The following CACNA2D1 variants were observed in gnomAD, a reference collection of about 807,000 sequenced individuals.
CACNA2D1 encodes calcium voltage-gated channel auxiliary subunit alpha2delta 1.
In CACNA2D1, 53 loss-of-function variants were observed where a neutral mutation model predicts 171.5. The observed-to-expected ratio is 0.31, with a 90% CI of 0.25 to 0.39. The LOEUF is 0.39. CACNA2D1 is among the 10% of genes least tolerant of loss of function. The pLI, the probability that CACNA2D1 is intolerant of heterozygous loss-of-function variation, is 1.00. For missense variants in CACNA2D1, 903 were observed against 1,299.8 expected (o/e 0.69, Z 4.69); for synonymous variants, 442 against 443.1 (o/e 1.00, Z 0.03).
At chr7:82,098,907 T>C (rs1812271510) in intron 6 of CACNA2D1, among the ~76,000 whole-genome samples, 1 of 152,160 alleles carries the variant, frequency 6.6e-6, no homozygotes, top group Admixed American at 6.5e-5. Flanking sequence ...TATAAATGAC[T>C]TTTCAGTAAG....
At chr7:82,017,438 G>A (rs1303939716) in intron 12 of CACNA2D1, among the ~76,000 whole-genome samples, 1 of 152,022 alleles carries the variant, frequency 6.6e-6, no homozygotes, top group Non-Finnish European at 1.5e-5. Context: ...TATAAATAAT[G>A]TATTGGTTAA....
At position 82,443,402 on chromosome 7, in the gene CACNA2D1, C is replaced by A. The variant is rs201211703; in HGVS notation, c.58G>T (p.Gly20Cys). The part of the protein sequence containing the change: ...TLTLFQSLLI[G>C]PSSEEPFPSA... ...GGGAACGGCTCCTCCGACGAGGGGC[C>A]GATGAGCAAAGATTGGAAAAGTGTC... The change falls in exon 1 of 39, where the codon GGC becomes TGC. Residue 20 changes from glycine to cysteine, a missense_variant. By Grantham distance (159) the Gly-to-Cys change is radical. Coordinates refer to ENST00000356860, the MANE Select transcript of CACNA2D1 (RefSeq NM_000722.4). 3.1e-6 allele frequency: 5 copies of A among 1,606,002 alleles called. No homozygotes were observed. The highest frequency in any genetic ancestry group is 1.3e-5 in the African/African-American group (1 of 74,262).
In CACNA2D1 at chr7:82,056,763, T is replaced by C. The variant is rs74974876; in HGVS notation, c.879+3665A>G. 3.3e-5 allele frequency among the ~76,000 whole-genome samples: 5 copies of C among 152,300 alleles called. No individual in the cohort carries two copies. The East Asian group carries it at 9.7e-4, about 29-fold the overall frequency. ...TCAAATTTGTTTTTCCTATTATGGA[T>C]ACAAATTCCAGTTATGGGTTCCCCT... is the stretch of plus-strand genomic sequence containing the variant. On this transcript the variant is annotated intron_variant, in intron 10 of 38. Transcript: ENST00000356860.
At chr7:82,202,079 C>T (rs1428024426) in intron 3 of CACNA2D1, among the ~76,000 whole-genome samples, 1 of 152,156 alleles carries the variant, frequency 6.6e-6, no homozygotes, top group Non-Finnish European at 1.5e-5. Flanking sequence ...GCACACAATT[C>T]CACTCATTAT....
chr7:82,229,909 G>C (rs536318586), intron 3 of CACNA2D1, among the ~76,000 whole-genome samples: 5 of 152,162 alleles, frequency 3.3e-5, no homozygotes, highest in African/African-American at 1.2e-4. Context: ...GCTCTAATTT[G>C]TATGGTTTTA....
intron 12 of CACNA2D1, among the ~76,000 whole-genome samples, chr7:82,031,255 C>T (rs527283124): frequency 1.5e-4 from 23 of 151,814 alleles, no homozygotes; most frequent in Non-Finnish European, 3.4e-4. Context: ...CCTACAGTGG[C>T]AAGGAGGTTC....
Position 82,050,601 on chromosome 7 carries a change from C to T in CACNA2D1, c.879+9827G>A, listed in dbSNP as rs201186220. ...AATTACTCTGCATTGAAAATCTCTTCGGGAGAAGGAGAAATCTCTTTACTA... is the reference window on the plus strand; with the variant it reads ...AATTACTCTGCATTGAAAATCTCTTTGGGAGAAGGAGAAATCTCTTTACTA... On this transcript the variant is annotated intron_variant, in intron 10 of 38. Transcript: ENST00000356860. 89 of 702,614 alleles carry T rather than the reference C, an allele frequency of 1.3e-4. No individual in the cohort carries two copies. The highest frequency in any genetic ancestry group is 1.1e-3 in the Middle Eastern group (5 of 4,390). 43.5% of individuals were successfully genotyped at this position (702,614 alleles called of 1,614,324 possible). A position where few individuals can be genotyped will look rare whatever the true frequency, so the allele number is the denominator to read the frequency against.
At position 82,213,476 on chromosome 7, in the gene CACNA2D1, A is replaced by G. The variant is rs550867743; in HGVS notation, c.295-42867T>C. Among the ~76,000 whole-genome samples the G allele has an allele frequency of 1.5e-3, 227 of 152,230 alleles. 3 individuals are homozygous for G. The highest frequency in any genetic ancestry group is 5.2e-3 in the African/African-American group (217 of 41,538). Reference sequence around the variant, plus strand: ...TCCTTCCTCACCTGTTTGTACTTCTATAAGGCTGTACTTTTTCTTGCTACA... The same window carrying G: ...TCCTTCCTCACCTGTTTGTACTTCTGTAAGGCTGTACTTTTTCTTGCTACA... On this transcript the variant is annotated intron_variant, in intron 3 of 38. Coordinates refer to ENST00000356860, the MANE Select transcript of CACNA2D1 (RefSeq NM_000722.4).
chr7:82,136,253 C>G (rs1399258885), intron 5 of CACNA2D1, among the ~76,000 whole-genome samples: 1 of 152,080 alleles, frequency 6.6e-6, no homozygotes, highest in Non-Finnish European at 1.5e-5. Flanking sequence ...CCCTGGTGTG[C>G]AAAGTTTAAG....
chr7:81,959,380 T>A (rs776871447), intron 37 of CACNA2D1, 23 bp from the exon 38 acceptor site: 1 of 1,518,480 alleles, frequency 6.6e-7, no homozygotes, highest in South Asian at 1.1e-5. Context: ...TGTTAAGGAA[T>A]CTCATGTTAG....
At chr7:82,067,190 TAATTA>T (rs1392198607) in intron 7 of CACNA2D1, among the ~76,000 whole-genome samples, 2 of 152,212 alleles carry the variant, frequency 1.3e-5, no homozygotes, top group Admixed American at 6.5e-5. Context: ...AAATCTATTC[TAATTA>T]AATTGATACT....
chr7:82,412,750 C>A (rs898702837), intron 1 of CACNA2D1, among the ~76,000 whole-genome samples: 3 of 151,588 alleles, frequency 2.0e-5, no homozygotes, highest in Non-Finnish European at 4.4e-5. Flanking sequence ...ATCATCAATT[C>A]TTGGTCTAAG....
Position 82,400,552 on chromosome 7 carries a change from A to G in CACNA2D1, c.95+42813T>C, listed in dbSNP as rs1295028848. ...TTCCTTACACCTTATACAAAAATCAATTCAAGATGGATTAAAGACTTAAAC... is the reference window on the plus strand; with the variant it reads ...TTCCTTACACCTTATACAAAAATCAGTTCAAGATGGATTAAAGACTTAAAC... On this transcript the variant is annotated intron_variant, in intron 1 of 38. Transcript: ENST00000356860. Among the ~76,000 whole-genome samples the G allele has an allele frequency of 4.6e-5, 7 of 151,808 alleles. No homozygotes were observed. In the South Asian group the frequency reaches 1.0e-3, roughly 23 times the overall value.
intron 3 of CACNA2D1, among the ~76,000 whole-genome samples, chr7:82,319,960 C>G (rs1201429503): frequency 1.3e-5 from 2 of 152,174 alleles, no homozygotes; most frequent in Non-Finnish European, 2.9e-5. Flanking sequence ...ACAGCAGGAG[C>G]ACTCATCCAC....
intron 3 of CACNA2D1, among the ~76,000 whole-genome samples, chr7:82,282,199 G>A (rs1810201748): frequency 6.6e-6 from 1 of 152,208 alleles, no homozygotes; most frequent in Admixed American, 6.5e-5. Context: ...TTCGGAGGCT[G>A]AGGTAGGAGA....
chr7:82,316,307 T>C (rs979283753), intron 3 of CACNA2D1, among the ~76,000 whole-genome samples: 1 of 152,172 alleles, frequency 6.6e-6, no homozygotes, highest in African/African-American at 2.4e-5. Flanking sequence ...TGTACTTGGG[T>C]GTATGTCCTT....
Position 82,295,575 on chromosome 7 carries a change from C to A in CACNA2D1, c.294+39560G>T, listed in dbSNP as rs541405634. ...TTCACCATGTTGCCTAGGCTAGTCT[C>A]GAACTCCTGAACTCAAGCGATCCTC... is the stretch of plus-strand genomic sequence containing the variant. On this transcript the variant is annotated intron_variant, in intron 3 of 38. Transcript: ENST00000356860. Among the ~76,000 whole-genome samples the A allele has an allele frequency of 2.0e-5, 3 of 151,624 alleles. No individual in the cohort carries two copies. The South Asian group carries it at 6.3e-4, about 32-fold the overall frequency.
intron 1 of CACNA2D1, among the ~76,000 whole-genome samples, chr7:82,395,345 A>G (rs12532723): frequency 0.25 from 38,051 of 152,108 alleles, 5,239 homozygotes; most frequent in East Asian, 0.52. Context: ...ATTCCAGGAC[A>G]GCTTCCCTTA....
chr7:82,199,507 TTA>T (rs1329179008), intron 3 of CACNA2D1, among the ~76,000 whole-genome samples: 1 of 152,122 alleles, frequency 6.6e-6, no homozygotes, highest in African/African-American at 2.4e-5. Context: ...TGGGAGAACT[TTA>T]TATGAGTTAT....
Sources: allele counts gnomAD v4.1 joint callset (sites outside exome capture counted in the v4.1 genomes callset), GRCh38; gene constraint gnomAD v4.1.1; transcripts MANE v1.5; gene names NCBI Gene and HGNC (gene_info 2026-07-23, HGNC 2026-07-21).